FSHR: variants seen among roughly 807,000 people sequenced by gnomAD.
The protein encoded by FSHR is follicle-stimulating hormone receptor.
FSHR carries 46 observed loss-of-function variants against 52.1 expected under a neutral mutation model. The observed-to-expected ratio is 0.88, with a 90% CI of 0.70 to 1.13. FSHR has a LOEUF of 1.13. Ranked by LOEUF, FSHR falls within the 50% of genes most tolerant of loss-of-function variation. FSHR has a pLI of 0.00. For synonymous variants in FSHR, 399 were observed against 309.6 expected, an observed-to-expected ratio of 1.29 and a Z score of -3.03; for missense variants, 964 against 834.6, an observed-to-expected ratio of 1.16 and a Z score of -1.91.
chr2:49,020,454 A>T (rs1237724481), intron 2 of FSHR, among the ~76,000 whole-genome samples: 1 of 152,164 alleles, frequency 6.6e-6, no homozygotes, highest in Non-Finnish European at 1.5e-5. Flanking sequence ...ATATTTAGGG[A>T]ATATACAGGA....
At chr2:49,134,888 G>T (rs1219296849) in intron 1 of FSHR, among the ~76,000 whole-genome samples, 1 of 152,108 alleles carries the variant, frequency 6.6e-6, no homozygotes, top group Non-Finnish European at 1.5e-5. Flanking sequence ...ACACAGGAAG[G>T]GGAACATCAC....
At chr2:49,048,131 C>T (rs553956148) in intron 2 of FSHR, among the ~76,000 whole-genome samples, 68 of 152,184 alleles carry the variant, frequency 4.5e-4, no homozygotes, top group African/African-American at 1.6e-3. Context: ...AGTGATCTGC[C>T]AGTCACAGCC....
intron 1 of FSHR, among the ~76,000 whole-genome samples, chr2:49,113,771 T>C (rs1218187898): frequency 6.6e-6 from 1 of 152,136 alleles, no homozygotes; most frequent in Admixed American, 6.6e-5. Context: ...AAAAGGACAC[T>C]TGTGGGGAGG....
intron 2 of FSHR, among the ~76,000 whole-genome samples, chr2:49,032,635 CA>C (rs1668138823): frequency 6.6e-6 from 1 of 152,138 alleles, no homozygotes; most frequent in South Asian, 2.1e-4. Context: ...ATGAAAAGCA[CA>C]AAAGCTGTTA....
At position 49,103,027 on chromosome 2, in the gene FSHR, C is replaced by T. The variant is rs1435387828; in HGVS notation, c.153-34737G>A. 1.3e-5 allele frequency among the ~76,000 whole-genome samples: 2 copies of T among 152,096 alleles called. 1 individual carries two copies. The highest frequency in any genetic ancestry group is 4.8e-5 in the African/African-American group (2 of 41,416). On this transcript the variant is annotated intron_variant, in intron 1 of 9. Transcript: ENST00000406846. ...TTCTCTAATCTTCCCCGCCTTCCCC[C>T]ATGAAAATTTAATACCACAGTTATA...
intron 2 of FSHR, among the ~76,000 whole-genome samples, chr2:49,047,184 A>C (rs1162746364): frequency 6.6e-6 from 1 of 152,146 alleles, no homozygotes; most frequent in African/African-American, 2.4e-5. Flanking sequence ...TTTATCTCCC[A>C]AGTCAAATGT....
intron 6 of FSHR, among the ~76,000 whole-genome samples, chr2:48,985,590 C>T (rs1366412314): frequency 2.0e-5 from 3 of 151,492 alleles, no homozygotes; most frequent in South Asian, 2.1e-4. Flanking sequence ...ATTCACTAGG[C>T]TAGTGTCTGA....
At chr2:49,062,959 G>A (rs1669368166) in intron 2 of FSHR, among the ~76,000 whole-genome samples, 1 of 152,068 alleles carries the variant, frequency 6.6e-6, no homozygotes, top group Non-Finnish European at 1.5e-5. Context: ...AGAGATAGGG[G>A]AACTCCTCTA....
At chr2:49,066,808 T>C (rs530258731) in intron 2 of FSHR, among the ~76,000 whole-genome samples, 206 of 152,238 alleles carry the variant, frequency 1.4e-3, no homozygotes, top group Middle Eastern at 3.4e-3. Flanking sequence ...ACATCTGAAA[T>C]GCCTGTCTTT....
intron 4 of FSHR, among the ~76,000 whole-genome samples, chr2:48,998,017 G>A (rs529983006): frequency 3.9e-5 from 6 of 152,036 alleles, no homozygotes; most frequent in Non-Finnish European, 8.8e-5. Context: ...GTCTGACTCT[G>A]TTTAGCCTCT....
At chr2:49,151,857 C>G (rs894427344) in intron 1 of FSHR, among the ~76,000 whole-genome samples, 1 of 152,152 alleles carries the variant, frequency 6.6e-6, no homozygotes, top group African/African-American at 2.4e-5. Context: ...TAATTGCTCT[C>G]TCATTCTAAC....
intron 1 of FSHR, among the ~76,000 whole-genome samples, chr2:49,153,786 T>A (rs1673145214): frequency 6.6e-6 from 1 of 152,114 alleles, no homozygotes; most frequent in Non-Finnish European, 1.5e-5. Context: ...AAGCAGAATC[T>A]CAGTTCAGGA....
chr2:48,986,393 CTTTTT>C (rs34394877), intron 6 of FSHR, among the ~76,000 whole-genome samples: 1 of 124,074 alleles, frequency 8.1e-6, no homozygotes. Flanking sequence ...ATTTGCCATG[CTTTTT>C]TTTTTTTTTT....
intron 1 of FSHR, among the ~76,000 whole-genome samples, chr2:49,144,171 T>G (rs1672788073): frequency 1.3e-5 from 2 of 152,126 alleles, no homozygotes; most frequent in Admixed American, 1.3e-4. Flanking sequence ...CAGTAGGAAT[T>G]TGGAAGAATC....
chr2:49,145,363 T>C (rs191717224), intron 1 of FSHR, among the ~76,000 whole-genome samples: 81 of 152,288 alleles, frequency 5.3e-4, no homozygotes, highest in African/African-American at 1.9e-3. Context: ...AGTTCAGGTC[T>C]GTGCCCTTCT....
At chr2:49,108,876 T>C (rs1279309921) in intron 1 of FSHR, among the ~76,000 whole-genome samples, 1 of 152,160 alleles carries the variant, frequency 6.6e-6, no homozygotes, top group Non-Finnish European at 1.5e-5. Flanking sequence ...CCTTTATATA[T>C]TCATTCTCTA....
chr2:49,003,099 T>C (rs1425315771), intron 4 of FSHR, among the ~76,000 whole-genome samples: 1 of 152,172 alleles, frequency 6.6e-6, no homozygotes, highest in African/African-American at 2.4e-5. Context: ...TTTCTGTGGG[T>C]GAGCTCGTGA....
chr2:49,111,565 CT>C (rs1406785820), intron 1 of FSHR, among the ~76,000 whole-genome samples: 1 of 152,170 alleles, frequency 6.6e-6, no homozygotes, highest in Non-Finnish European at 1.5e-5. Flanking sequence ...GAAAAATATA[CT>C]TTTCCTGGTG....
At chr2:49,030,079 G>A (rs993327745) in intron 2 of FSHR, among the ~76,000 whole-genome samples, 1 of 152,144 alleles carries the variant, frequency 6.6e-6, no homozygotes, top group Non-Finnish European at 1.5e-5. Flanking sequence ...AGCCAGCAAG[G>A]GCCATTTACC....
Sources: gnomAD v4.1 joint callset for allele counts (sites outside exome capture counted in the v4.1 genomes callset) on GRCh38, gnomAD v4.1.1 for gene constraint, MANE v1.5 for transcripts, NCBI Gene and HGNC (gene_info 2026-07-23, HGNC 2026-07-21) for gene names.